Variants in ANKRD36B observed in about 807,000 individuals in gnomAD.
The protein encoded by ANKRD36B is ankyrin repeat domain 36B.
A neutral mutation model predicts 135.7 loss-of-function variants in ANKRD36B; 37 were observed. That is an observed-to-expected ratio of 0.27 (90% confidence interval 0.21 to 0.36). The LOEUF is 0.36. Among genes scored for constraint, ANKRD36B ranks in the 10% least tolerant of loss-of-function variants. The pLI is 1.00. For missense variants in ANKRD36B, 549 were observed against 1,037.1 expected (o/e 0.53, Z 6.46); for synonymous variants, 179 against 348.1 (o/e 0.51, Z 5.41).
intron 6 of ANKRD36B, among the ~76,000 whole-genome samples, chr2:97,567,110 G>GT (rs1169510449): frequency 6.6e-6 from 1 of 152,040 alleles, no homozygotes; most frequent in East Asian, 1.9e-4. Flanking sequence ...ACATTTACCA[G>GT]TTTTTTATAA....
intron 1 of ANKRD36B, among the ~76,000 whole-genome samples, chr2:97,588,121 T>C (rs1249698828): frequency 2.6e-5 from 4 of 151,966 alleles, no homozygotes; most frequent in Admixed American, 6.5e-5. Flanking sequence ...TCAATATAAG[T>C]AGGCATTTGT....
At chr2:97,573,280 A>G (rs547864472) in intron 6 of ANKRD36B, among the ~76,000 whole-genome samples, 44 of 152,274 alleles carry the variant, frequency 2.9e-4, no homozygotes, top group African/African-American at 1.0e-3. Context: ...TCCATGGTGT[A>G]TATGTGCCAC....
rs183571003 is a variant in ANKRD36B at position 97,544,388 on chromosome 2, T to C, written c.1682-403A>G. ...AAGAAATCACAAGGATTTACACCAT[T>C]ATAGTACAAACATTCATCATGCTCT... is the stretch of plus-strand genomic sequence containing the variant. On this transcript the variant is annotated intron_variant, in intron 24 of 43. Coordinates refer to ENST00000359901, the MANE Select transcript of ANKRD36B (RefSeq NM_001393939.1). 1.7e-3 allele frequency among the ~76,000 whole-genome samples: 164 copies of C among 95,080 alleles called. 46 individuals carry two copies. In the East Asian group the frequency reaches 0.034, roughly 20 times the overall value. 62.4% of individuals were successfully genotyped at this position (95,080 alleles called of 152,430 possible).
intron 6 of ANKRD36B, among the ~76,000 whole-genome samples, chr2:97,563,400 C>T (rs1223588777): frequency 6.6e-6 from 1 of 150,450 alleles, no homozygotes; most frequent in African/African-American, 2.4e-5. Flanking sequence ...ATGAAAATTC[C>T]TCTATTTACA....
rs368621933 is a variant in ANKRD36B at position 97,515,095 on chromosome 2, C to T, written c.2621+637G>A. Reference sequence around the variant, plus strand: ...TTTTTTGTATTTTTAGTAGAGATAGCATTTCACTGTGTTGGGCAGACTGGT... The same window carrying T: ...TTTTTTGTATTTTTAGTAGAGATAGTATTTCACTGTGTTGGGCAGACTGGT... On this transcript the variant is annotated intron_variant, in intron 37 of 43. Coordinates refer to ENST00000359901, the MANE Select transcript of ANKRD36B (RefSeq NM_001393939.1). Among the ~76,000 whole-genome samples the T allele has an allele frequency of 0.012, 728 of 62,240 alleles. 146 individuals are homozygous for T. In the East Asian group the frequency reaches 0.13, roughly 11 times the overall value. The allele number at this position is 62,240 out of a possible 152,430, so 40.8% of individuals were successfully genotyped here.
intron 10 of ANKRD36B, among the ~76,000 whole-genome samples, chr2:97,557,719 T>C (rs537840322): frequency 0.012 from 1,761 of 151,960 alleles, 17 homozygotes; most frequent in Non-Finnish European, 0.021. Flanking sequence ...CTCAAACCCA[T>C]GTGGTGTAAT....
chr2:97,565,898 T>TAC (rs1328027285), intron 6 of ANKRD36B, among the ~76,000 whole-genome samples: 6 of 151,758 alleles, frequency 4.0e-5, no homozygotes, highest in Admixed American at 1.3e-4. Flanking sequence ...TGTATATATA[T>TAC]ATATGTACAG....
At chr2:97,588,397 T>A (rs2442311) in intron 1 of ANKRD36B, among the ~76,000 whole-genome samples, 2 of 152,024 alleles carry the variant, frequency 1.3e-5, no homozygotes, top group African/African-American at 2.4e-5. Context: ...CAACCTAATA[T>A]ATTCTTACAC....
intron 6 of ANKRD36B, among the ~76,000 whole-genome samples, chr2:97,561,207 A>G (rs570652327): frequency 1.1e-4 from 17 of 152,050 alleles, no homozygotes; most frequent in African/African-American, 3.9e-4. Context: ...CCTGGGAATC[A>G]GCGTCAAAGC....
At chr2:97,535,549 A>G (rs1408195839) in intron 34 of ANKRD36B, among the ~76,000 whole-genome samples, 10 of 117,794 alleles carry the variant, frequency 8.5e-5, no homozygotes, top group African/African-American at 2.0e-4. Flanking sequence ...GCTTAATATA[A>G]TAAGTGTAAC....
At chr2:97,568,428 A>G (rs7579570) in intron 6 of ANKRD36B, among the ~76,000 whole-genome samples, 85,570 of 151,894 alleles carry the variant, frequency 0.56, 25,631 homozygotes, top group Non-Finnish European at 0.67. Flanking sequence ...TCAGCTGCCA[A>G]TGCAGAAGAG....
rs2078209514 is a variant in ANKRD36B at position 97,526,374 on chromosome 2, A to G, written c.2266-2907T>C. ...TGGTAGAAGGAAAACTAACAAACAG[A>G]AAGGACATCCACACCAAAAACCCAT... is the stretch of plus-strand genomic sequence containing the variant. On this transcript the variant is annotated intron_variant, in intron 35 of 43. Coordinates refer to ENST00000359901, the MANE Select transcript of ANKRD36B (RefSeq NM_001393939.1). 2.0e-5 allele frequency among the ~76,000 whole-genome samples: 2 copies of G among 97,628 alleles called. 1 individual carries two copies. Among genetic ancestry groups the G allele is most frequent in the Non-Finnish European group, 5.5e-5 (2 of 36,582 alleles). The allele number at this position is 97,628 out of a possible 152,430, so 64.0% of individuals were successfully genotyped here.
At chr2:97,551,703 T>C (rs2080086311) in intron 16 of ANKRD36B, among the ~76,000 whole-genome samples, 1 of 151,952 alleles carries the variant, frequency 6.6e-6, no homozygotes, top group Non-Finnish European at 1.5e-5. Flanking sequence ...CATGGTATGA[T>C]TTCTCATACG....
At position 97,545,920 on chromosome 2, in the gene ANKRD36B, C is replaced by T. The variant is rs2079415186; in HGVS notation, c.1580-59G>A. On this transcript the variant is annotated intron_variant, in intron 22 of 43. Transcript: ENST00000359901. ...CATAAATATGATAAAGTTATCCATA[C>T]ATTCATACAGTGTTAGCATCAACCT... is the stretch of plus-strand genomic sequence containing the variant. 3.4e-6 allele frequency: 3 copies of T among 877,720 alleles called. 1 individual carries two copies. Among genetic ancestry groups the T allele is most frequent in the Admixed American group, 4.1e-5 (2 of 48,460 alleles). The allele number at this position is 877,720 out of a possible 1,614,324, so 54.4% of individuals were successfully genotyped here. A position where few individuals can be genotyped will look rare whatever the true frequency, so the allele number is the denominator to read the frequency against.
chr2:97,532,724 C>CAAAAA (rs565689864), intron 34 of ANKRD36B, among the ~76,000 whole-genome samples: 1 of 37,964 alleles, frequency 2.6e-5, no homozygotes, highest in Non-Finnish European at 8.0e-5. Flanking sequence ...GACTGTGTCT[C>CAAAAA]AAAAAAAAAA....
chr2:97,586,307 C>T (rs1290233267), intron 1 of ANKRD36B, among the ~76,000 whole-genome samples: 7 of 150,114 alleles, frequency 4.7e-5, no homozygotes, highest in Admixed American at 1.3e-4. Flanking sequence ...TAGGTATTTG[C>T]AATGATTAAT....
At position 97,551,426 on chromosome 2, in the gene ANKRD36B, C is replaced by G. The variant is rs751193025; in HGVS notation, c.1302+26G>C. ...TTCATAGGCTATACGTTTACTAGCT[C>G]ACAATATAAATGAGAGTTTCATTAC... On this transcript the variant is annotated intron_variant, in intron 17 of 43. Transcript: ENST00000359901. 54 of 1,606,092 alleles carry G rather than the reference C, an allele frequency of 3.4e-5. No homozygotes were observed. The African/African-American group carries it at 6.6e-4, about 20-fold the overall frequency.
chr2:97,588,507 A>G (rs1231073611), intron 1 of ANKRD36B, among the ~76,000 whole-genome samples: 2 of 152,102 alleles, frequency 1.3e-5, no homozygotes, highest in Non-Finnish European at 2.9e-5. Context: ...ACATTTTCAT[A>G]TCTAGAAAGG....
At chr2:97,546,430 T>C (rs1048181857) in intron 22 of ANKRD36B, among the ~76,000 whole-genome samples, 2 of 151,732 alleles carry the variant, frequency 1.3e-5, no homozygotes, top group African/African-American at 4.8e-5. Flanking sequence ...ATAACATTCA[T>C]TATCTCTCAC....
Sources: allele counts gnomAD v4.1 joint callset (sites outside exome capture counted in the v4.1 genomes callset), GRCh38; gene constraint gnomAD v4.1.1; transcripts MANE v1.5; gene names NCBI Gene and HGNC (gene_info 2026-07-23, HGNC 2026-07-21).